SEC22B: variants seen among roughly 807,000 people sequenced by gnomAD.
The protein encoded by SEC22B is vesicle-trafficking protein SEC22b.
Under a neutral mutation model 31.4 loss-of-function variants are expected in SEC22B, and 10 were observed. The ratio of observed to expected loss-of-function variants is 0.32; its 90% CI spans 0.20 to 0.54. SEC22B has a LOEUF of 0.54. Ranked by LOEUF, SEC22B falls within the 20% of genes least tolerant of loss-of-function variation. SEC22B has a pLI of 0.94. For missense variants in SEC22B, 130 were observed against 263.4 expected (o/e 0.49, Z 3.50); for synonymous variants, 60 against 95.9 (o/e 0.63, Z 2.19).
rs1239791273 is a variant in SEC22B, at chr1:120,154,239, G to A, written c.*2799C>T. 6.6e-6 allele frequency: 1 copy of A among 151,984 alleles called. No homozygotes were observed. Among genetic ancestry groups the A allele is most frequent in the South Asian group, 2.1e-4 (1 of 4,810 alleles). The allele number at this position is 151,984 out of a possible 1,614,324, so 9.4% of individuals were successfully genotyped here. ...GGTGGTAATATAGCGTAAGAGCACA[G>A]ACTCTGGAGCCAAACTGCCTAGGTT... On this transcript the variant is annotated 3_prime_UTR_variant, in exon 5 of 5. Transcript: ENST00000578049.
chr1:120,163,946 T>TC (rs1491266830), intron 2 of SEC22B, among the ~76,000 whole-genome samples: 137 of 68,548 alleles, frequency 2.0e-3, no homozygotes, highest in African/African-American at 0.01. Flanking sequence ...TTAGATTCTC[T>TC]TTTTTTTTTT....
At chr1:120,166,395 T>TTACACACACA (rs1657808712) in intron 2 of SEC22B, among the ~76,000 whole-genome samples, 1 of 82,762 alleles carries the variant, frequency 1.2e-5, no homozygotes, top group African/African-American at 3.6e-5. Flanking sequence ...AAAGTGTTTT[T>TTACACACACA]TACACACACA....
chr1:120,152,005 AGTGGAG>A lies in SEC22B; in HGVS notation c.*5027_*5032del, dbSNP rs1401761326. 6 of 152,140 alleles carry A rather than the reference AGTGGAG, an allele frequency of 3.9e-5. No individual in the cohort carries two copies. Among genetic ancestry groups the A allele is most frequent in the African/African-American group, 1.5e-4 (6 of 41,346 alleles). The allele number at this position is 152,140 out of a possible 1,614,324, so 9.4% of individuals were successfully genotyped here. On this transcript the variant is annotated 3_prime_UTR_variant, in exon 5 of 5. Transcript: ENST00000578049. ...TTGGTTTTATCTTTGAGAACAATGG[AGTGGAG>A]GTATGCTTTAGATGCAATTATTTAT... is the stretch of plus-strand genomic sequence containing the variant.
At chr1:120,160,181 C>T (rs1657692020) in intron 4 of SEC22B, among the ~76,000 whole-genome samples, 1 of 148,212 alleles carries the variant, frequency 6.7e-6, no homozygotes, top group Non-Finnish European at 1.5e-5. Flanking sequence ...TGGATGAGTC[C>T]TTTACACTGT....
chr1:120,176,463 A>C lies in SEC22B; in HGVS notation c.-82T>G. ...CTTCCTCCGCCGCGACAACAGTTAT[A>C]CCCTATGTCTCAGTTACCGGAGATC... On this transcript the variant is annotated 5_prime_UTR_variant, in exon 1 of 5. Coordinates refer to ENST00000578049, the MANE Select transcript of SEC22B (RefSeq NM_004892.6). 1 of 1,241,670 alleles carries C rather than the reference A, an allele frequency of 8.1e-7. No homozygotes were observed. 76.9% of individuals were successfully genotyped at this position (1,241,670 alleles called of 1,614,324 possible). A position where few individuals can be genotyped will look rare whatever the true frequency, so the allele number is the denominator to read the frequency against.
chr1:120,165,807 T>C lies in SEC22B; in HGVS notation c.186-2437A>G, dbSNP rs1366350390. ...TTCCCCTATGTTTTCTTCTAGTAGT[T>C]TTATAGTTTAGGGTCTTATGCTTAA... On this transcript the variant is annotated intron_variant, in intron 2 of 4. Transcript: ENST00000578049. 1.7e-3 allele frequency among the ~76,000 whole-genome samples: 260 copies of C among 151,548 alleles called. 4 individuals carry two copies. Among genetic ancestry groups the C allele is most frequent in the African/African-American group, 6.1e-3 (249 of 41,000 alleles).
chr1:120,164,936 T>C lies in SEC22B; in HGVS notation c.186-1566A>G, dbSNP rs1227083589. Among the ~76,000 whole-genome samples the C allele has an allele frequency of 3.3e-5, 5 of 152,330 alleles. No individual in the cohort carries two copies. The East Asian group carries it at 9.6e-4, about 29-fold the overall frequency. On this transcript the variant is annotated intron_variant, in intron 2 of 4. Transcript: ENST00000578049. Reference sequence around the variant, plus strand: ...ATCAGCATCTGTTGTTTTTTGACTTTTTAATAATAGCCCTGTGACTGTTGT... The same window carrying C: ...ATCAGCATCTGTTGTTTTTTGACTTCTTAATAATAGCCCTGTGACTGTTGT...
intron 2 of SEC22B, among the ~76,000 whole-genome samples, chr1:120,163,945 CTTT>C (rs1169530604): frequency 1.5e-5 from 1 of 68,934 alleles, no homozygotes; most frequent in African/African-American, 6.5e-5. Context: ...ATTAGATTCT[CTTT>C]TTTTTTTTTT....
chr1:120,164,013 T>C (rs1254762565), intron 2 of SEC22B, among the ~76,000 whole-genome samples: 1 of 129,436 alleles, frequency 7.7e-6, no homozygotes, highest in Non-Finnish European at 1.6e-5. Flanking sequence ...CAGGCTGGAA[T>C]GCAGTGGCAT....
chr1:120,163,838 A>T (rs1202465900), intron 2 of SEC22B, among the ~76,000 whole-genome samples: 5 of 151,368 alleles, frequency 3.3e-5, no homozygotes, highest in Non-Finnish European at 5.9e-5. Context: ...TCAGCCTCCC[A>T]AAGTGCTGGG....
chr1:120,166,396 T>TACACAC (rs1268229455), intron 2 of SEC22B, among the ~76,000 whole-genome samples: 3,107 of 143,102 alleles, frequency 0.022, 10 homozygotes, highest in East Asian at 0.058. Flanking sequence ...AAGTGTTTTT[T>TACACAC]ACACACACAC....
intron 3 of SEC22B, among the ~76,000 whole-genome samples, chr1:120,162,627 T>A (rs1272997915): frequency 6.6e-6 from 1 of 152,098 alleles, no homozygotes; most frequent in East Asian, 1.9e-4. Context: ...CCAGGTCTGA[T>A]TAGTAATTAG....
At position 120,155,682 on chromosome 1, in the gene SEC22B, T is replaced by C. The variant is rs1210409338; in HGVS notation, c.*1356A>G. ...AAAGTTCGCTCATTTTCCTGTGCAATTTAAAGAAATATTTGCAGTATGTAC... is the reference window on the plus strand; with the variant it reads ...AAAGTTCGCTCATTTTCCTGTGCAACTTAAAGAAATATTTGCAGTATGTAC... On this transcript the variant is annotated 3_prime_UTR_variant, in exon 5 of 5. Coordinates refer to ENST00000578049, the MANE Select transcript of SEC22B (RefSeq NM_004892.6). The C allele has an allele frequency of 6.6e-6, 1 of 151,778 alleles. No individual in the cohort carries two copies. Among genetic ancestry groups the C allele is most frequent in the Admixed American group, 6.6e-5 (1 of 15,226 alleles). 9.4% of individuals were successfully genotyped at this position (151,778 alleles called of 1,614,324 possible). A position where few individuals can be genotyped will look rare whatever the true frequency, so the allele number is the denominator to read the frequency against.
chr1:120,161,014 T>C (rs1209309097), intron 3 of SEC22B, among the ~76,000 whole-genome samples: 28 of 152,348 alleles, frequency 1.8e-4, no homozygotes, highest in Non-Finnish European at 4.0e-4. Flanking sequence ...ATTTGTAAGA[T>C]GTAAAGGTAT....
Position 120,156,198 on chromosome 1 carries a change from C to T in SEC22B, c.*840G>A, listed in dbSNP as rs1174901637. 4 of 151,924 alleles carry T rather than the reference C, an allele frequency of 2.6e-5. No individual in the cohort carries two copies. The highest frequency in any genetic ancestry group is 9.7e-5 in the African/African-American group (4 of 41,392). The allele number at this position is 151,924 out of a possible 1,614,324, so 9.4% of individuals were successfully genotyped here. ...GGGCAGGAGAAAGCTGTAATTATAA[C>T]CTGGGCCTGCCTTTGTTCTCATGAA... On this transcript the variant is annotated 3_prime_UTR_variant, in exon 5 of 5. Coordinates refer to ENST00000578049, the MANE Select transcript of SEC22B (RefSeq NM_004892.6).
At chr1:120,163,068 A>G (rs1365982212) in intron 3 of SEC22B, 142 bp downstream of exon 3, 37 of 509,184 alleles carry the variant, frequency 7.3e-5, no homozygotes, top group African/African-American at 5.6e-4. Flanking sequence ...GACAAAAAGA[A>G]GTGGAATGGA....
Position 120,153,988 on chromosome 1 carries a change from T to A in SEC22B, c.*3050A>T, listed in dbSNP as rs1316814672. 2 of 151,490 alleles carry A rather than the reference T, an allele frequency of 1.3e-5. No individual in the cohort carries two copies. Among genetic ancestry groups the A allele is most frequent in the African/African-American group, 2.4e-5 (1 of 41,108 alleles). 9.4% of individuals were successfully genotyped at this position (151,490 alleles called of 1,614,324 possible). On this transcript the variant is annotated 3_prime_UTR_variant, in exon 5 of 5. Transcript: ENST00000578049. ...AAATATTTCCAAATTTTGACACTTG[T>A]AAGATGTCTTAATTAAAACAAGCCA...
rs1657542625 is a variant in SEC22B at position 120,151,685 on chromosome 1, C to T, written c.*5353G>A. 1.3e-5 allele frequency: 2 copies of T among 151,338 alleles called. No homozygotes were observed. The highest frequency in any genetic ancestry group is 2.4e-5 in the African/African-American group (1 of 41,142). 9.4% of individuals were successfully genotyped at this position (151,338 alleles called of 1,614,324 possible). The stretch of plus-strand genomic sequence containing the variant: ...AAAATAAAAATGAAAAAATTATTAT[C>T]CATGGTATTATCATGGTAGTACTGA... On this transcript the variant is annotated 3_prime_UTR_variant, in exon 5 of 5. Coordinates refer to ENST00000578049, the MANE Select transcript of SEC22B (RefSeq NM_004892.6).
At chr1:120,174,449 CA>C (rs1440978460) in intron 1 of SEC22B, among the ~76,000 whole-genome samples, 2,235 of 149,556 alleles carry the variant, frequency 0.015, no homozygotes, top group African/African-American at 0.053. Flanking sequence ...ACTACAATCA[CA>C]AAAATATTTG....
Sources: allele counts gnomAD v4.1 joint callset (sites outside exome capture counted in the v4.1 genomes callset), GRCh38; gene constraint gnomAD v4.1.1; transcripts MANE v1.5; gene names NCBI Gene and HGNC (gene_info 2026-07-23, HGNC 2026-07-21).